Variants in RAD50 observed in about 807,000 individuals in gnomAD.
The protein encoded by RAD50 is DNA repair protein RAD50.
In RAD50, 132 loss-of-function variants were observed where a neutral mutation model predicts 168.8. The observed-to-expected ratio is 0.78, with a 90% CI of 0.68 to 0.90. The LOEUF is 0.90. Among genes scored for constraint, RAD50 ranks in the 40% least tolerant of loss-of-function variants. The pLI is 0.00. For missense variants in RAD50, 1,347 were observed against 1,534.4 expected, an observed-to-expected ratio of 0.88 and a Z score of 2.04; for synonymous variants, 525 against 497.4, an observed-to-expected ratio of 1.06 and a Z score of -0.74.
At chr5:132,619,035 T>C (rs571092057) in intron 21 of RAD50, among the ~76,000 whole-genome samples, 2 of 152,338 alleles carry the variant, frequency 1.3e-5, no homozygotes, top group South Asian at 4.1e-4. Flanking sequence ...TTATTTGGAT[T>C]TGCTTTTGTT....
chr5:132,604,816 G>T lies in RAD50; in HGVS notation c.2535G>T (p.Lys845Asn). The T allele has an allele frequency of 6.2e-7, 1 of 1,609,540 alleles. No individual in the cohort carries two copies. Among genetic ancestry groups the T allele is most frequent in the South Asian group, 1.1e-5 (1 of 90,792 alleles). The change falls in exon 16 of 25, where the codon AAG becomes AAT. Residue 845 changes from lysine to asparagine, a missense_variant. By Grantham distance (94) the Lys-to-Asn change is moderately conservative. Coordinates refer to ENST00000378823, the MANE Select transcript of RAD50 (RefSeq NM_005732.4). ...TATGTTTTTGTGTAGTTTCTAGTAA[G>T]ATTGAATTGAATCGTAAGCTTATAC... ...KQHKLDTVSS[K>N]IELNRKLIQD... is the part of the protein sequence containing the mutation.
chr5:132,609,290 A>G lies in RAD50; in HGVS notation c.2930A>G (p.Glu977Gly). 1.2e-6 allele frequency: 2 copies of G among 1,611,744 alleles called. No individual in the cohort carries two copies. The highest frequency in any genetic ancestry group is 1.7e-6 in the Non-Finnish European group (2 of 1,179,412). ...DGKDDYKKQK[E>G]TELNKVIAQL... The stretch of plus-strand genomic sequence containing the variant: ...GAATTTTCTTTTTTGTAGCAAAAAG[A>G]AACTGAACTTAATAAAGTAATAGCT... The change falls in exon 19 of 25, where the codon GAA becomes GGA. Residue 977 changes from glutamate (E) to glycine (G), a missense_variant. Physicochemically the swap from Glu to Gly is moderately conservative, Grantham distance 98. Around this residue, in one of 3 missense-constraint regions of RAD50, gnomAD observed 635 missense variants for 739.2 expected, o/e 0.86. Transcript: ENST00000378823.
chr5:132,624,294 T>C (rs527388118), intron 21 of RAD50, among the ~76,000 whole-genome samples: 1 of 152,360 alleles, frequency 6.6e-6, no homozygotes, highest in Admixed American at 6.5e-5. Flanking sequence ...AGTCTTGGAA[T>C]TTAAGGTGCT....
rs762173589 is a variant in RAD50 at position 132,587,911 on chromosome 5, T to C, written c.886-13T>C. 1 of 1,611,270 alleles carries C rather than the reference T, an allele frequency of 6.2e-7. No homozygotes were observed. Among genetic ancestry groups the C allele is most frequent in the Non-Finnish European group, 8.5e-7 (1 of 1,177,804 alleles). On this transcript the variant is annotated splice_polypyrimidine_tract_variant and intron_variant, in intron 6 of 24. Coordinates refer to ENST00000378823, the MANE Select transcript of RAD50 (RefSeq NM_005732.4). ...GTTTGTACATTAAAGCTTTTTATTT[T>C]GGTGTTACACAGGTTTTTCAAGGGA...
At chr5:132,571,363 A>C (rs912351891) in intron 2 of RAD50, among the ~76,000 whole-genome samples, 18 of 152,246 alleles carry the variant, frequency 1.2e-4, no homozygotes, top group Admixed American at 1.2e-3. Context: ...TAATTCATTC[A>C]GGTAAGAAAC....
intron 15 of RAD50, 28 bp downstream of exon 15, chr5:132,604,074 C>A: frequency 6.2e-7 from 1 of 1,611,320 alleles, no homozygotes; most frequent in South Asian, 1.1e-5. Context: ...CTTCTGTACT[C>A]ATAGAGACTT....
Position 132,587,554 on chromosome 5 carries a change from A to C in RAD50, c.757-8A>C, listed in dbSNP as rs775804620. 6 of 1,612,076 alleles carry C rather than the reference A, an allele frequency of 3.7e-6. No individual in the cohort carries two copies. The highest frequency in any genetic ancestry group is 1.7e-6 in the Non-Finnish European group (2 of 1,179,244). ...AGTTTTATTTATGTAATGTTTCTTT[A>C]TTTTCAGAATCGTCTAAAAGAAATT... On this transcript the variant is annotated splice_region_variant and splice_polypyrimidine_tract_variant and intron_variant, in intron 5 of 24. Transcript: ENST00000378823.
intron 13 of RAD50, chr5:132,600,216 CAAAT>C (rs2149845841): frequency 6.6e-6 from 1 of 152,072 alleles, no homozygotes; most frequent in African/African-American, 2.4e-5. Flanking sequence ...AGATGGATGA[CAAAT>C]AAGTAAATAT....
At chr5:132,575,148 A>T (rs1257614843) in intron 2 of RAD50, among the ~76,000 whole-genome samples, 4 of 152,182 alleles carry the variant, frequency 2.6e-5, no homozygotes, top group Admixed American at 2.6e-4. Context: ...GATATACCTG[A>T]GACTGGACAA....
At chr5:132,575,652 C>T in intron 2 of RAD50, 125 bp from the exon 3 acceptor site, 1 of 859,184 alleles carries the variant, frequency 1.2e-6, no homozygotes, top group Non-Finnish European at 1.9e-6. Flanking sequence ...GTAAAAATAT[C>T]ACTCATTTTG....
rs781305309 is a variant in RAD50 at position 132,595,813 on chromosome 5, A to G, written c.2207+3A>G. 1.9e-6 allele frequency: 3 copies of G among 1,589,902 alleles called. No homozygotes were observed. The Admixed American group carries it at 5.0e-5, about 27-fold the overall frequency. ...ATGCTGGGACTTGTGCCCATGAGGT[A>G]AGAATGGGATTTACCTTCACTGTAC... On this transcript the variant is annotated splice_donor_region_variant and intron_variant, in intron 13 of 24. Transcript: ENST00000378823.
chr5:132,557,561 C>T (rs1750027166), intron 1 of RAD50, 108 bp downstream of exon 1: 1 of 1,497,208 alleles, frequency 6.7e-7, no homozygotes, highest in Non-Finnish European at 9.2e-7. Flanking sequence ...TAGGGCTCCA[C>T]AGGTGTAGGC....
chr5:132,567,927 C>T (rs917347634), intron 2 of RAD50, among the ~76,000 whole-genome samples: 1 of 152,008 alleles, frequency 6.6e-6, no homozygotes, highest in Admixed American at 6.6e-5. Context: ...GTGGCATCTA[C>T]AATGTGCAGA....
intron 9 of RAD50, among the ~76,000 whole-genome samples, chr5:132,590,822 C>T (rs1750684718): frequency 6.6e-6 from 1 of 152,186 alleles, no homozygotes; most frequent in Non-Finnish European, 1.5e-5. Context: ...TGGGGAGATA[C>T]TTGGTCAGGG....
chr5:132,565,405 G>C (rs1319687102), intron 2 of RAD50, among the ~76,000 whole-genome samples: 3 of 152,016 alleles, frequency 2.0e-5, no homozygotes, highest in African/African-American at 7.2e-5. Flanking sequence ...CAGGGCCCTA[G>C]CACCTCATAT....
chr5:132,564,234 T>C (rs1750170376), intron 2 of RAD50, among the ~76,000 whole-genome samples: 1 of 152,086 alleles, frequency 6.6e-6, no homozygotes, highest in South Asian at 2.1e-4. Context: ...TGAGGAAAAG[T>C]TTGGAACTTC....
chr5:132,637,942 AAG>A (rs1751624546), intron 22 of RAD50, 137 bp from the exon 23 acceptor site: 3 of 985,830 alleles, frequency 3.0e-6, no homozygotes, highest in Admixed American at 2.1e-5. Context: ...CAGCCAGAGA[AAG>A]AGTTTCCACA....
At position 132,574,494 on chromosome 5, in the gene RAD50, G is replaced by T. The variant is rs569420431; in HGVS notation, c.214-1283G>T. On this transcript the variant is annotated intron_variant, in intron 2 of 24. Transcript: ENST00000378823. ...AACCTCTGGGCTTGTGATGGGAGGG[G>T]CTGTCACAAAGGTCTCTGACATGCC... 2.0e-5 allele frequency among the ~76,000 whole-genome samples: 3 copies of T among 152,294 alleles called. No individual in the cohort carries two copies. In the South Asian group the frequency reaches 6.2e-4, roughly 32 times the overall value.
rs753864663 is a variant in RAD50, at chr5:132,591,401, G to A, written c.1630G>A (p.Asp544Asn). ...TACCCAAATGGAGATGCTGACCAAA[G>A]ACAAAGTATGATTTTTCTTTTTGTT... The part of the protein sequence containing the change: ...TRTQMEMLTK[D>N]KADKDEQIRK... The change falls in exon 10 of 25, where the codon GAC (aspartate) becomes AAC (asparagine). Residue 544 changes from aspartate (D) to asparagine (N), a missense_variant. Asp to Asn is a conservative substitution (Grantham distance 23, BLOSUM62 1). This residue lies in a region of RAD50 where 703 missense variants were observed against 767.7 expected (regional missense o/e 0.92). Transcript: ENST00000378823. 1.2e-6 allele frequency: 2 copies of A among 1,612,796 alleles called. No individual in the cohort carries two copies. Among genetic ancestry groups the A allele is most frequent in the East Asian group, 2.2e-5 (1 of 44,838 alleles).
Sources: gnomAD v4.1 joint callset for allele counts (sites outside exome capture counted in the v4.1 genomes callset) on GRCh38, gnomAD v4.1.1 for gene constraint, gnomAD v4.1.1 regional missense constraint, MANE v1.5 for transcripts, NCBI Gene and HGNC (gene_info 2026-07-23, HGNC 2026-07-21) for gene names.